Variants in SLC24A3 observed in about 807,000 individuals in gnomAD.
SLC24A3 encodes the protein sodium/potassium/calcium exchanger 3.
Under a neutral mutation model 75.8 loss-of-function variants are expected in SLC24A3, and 28 were observed. The ratio of observed to expected loss-of-function variants is 0.37; its 90% CI spans 0.27 to 0.51. SLC24A3 has a LOEUF of 0.51. SLC24A3 is among the 20% of genes least tolerant of loss of function. The pLI is 0.94. For synonymous variants in SLC24A3, 372 were observed against 334.1 expected (o/e 1.11, Z -1.24); for missense variants, 663 against 847.8 (o/e 0.78, Z 2.71).
intron 6 of SLC24A3, among the ~76,000 whole-genome samples, chr20:19,596,700 G>C (rs565210252): frequency 6.6e-6 from 1 of 152,150 alleles, no homozygotes; most frequent in African/African-American, 2.4e-5. Context: ...CTTCAGATAC[G>C]GTGACACCTA....
intron 2 of SLC24A3, among the ~76,000 whole-genome samples, chr20:19,316,242 A>G (rs528504095): frequency 1.3e-5 from 2 of 152,226 alleles, no homozygotes; most frequent in Non-Finnish European, 2.9e-5. Context: ...GACCACCTGT[A>G]CTAAGGAAGC....
At chr20:19,578,272 G>A (rs1185112619) in intron 3 of SLC24A3, among the ~76,000 whole-genome samples, 1 of 152,096 alleles carries the variant, frequency 6.6e-6, no homozygotes, top group Admixed American at 6.6e-5. Context: ...ACGTGTGTGT[G>A]TGTGTGTGCA....
chr20:19,658,305 A>C (rs183618870), intron 7 of SLC24A3, among the ~76,000 whole-genome samples: 6 of 152,226 alleles, frequency 3.9e-5, no homozygotes, highest in African/African-American at 1.2e-4. Context: ...TAAGACCTGG[A>C]TTCAAAATGG....
intron 2 of SLC24A3, among the ~76,000 whole-genome samples, chr20:19,380,265 G>A (rs1986158013): frequency 6.6e-6 from 1 of 152,140 alleles, no homozygotes; most frequent in Admixed American, 6.5e-5. Flanking sequence ...GTGCAAAGAA[G>A]CAGGGCACAT....
At chr20:19,665,027 C>T (rs774542188) in intron 7 of SLC24A3, among the ~76,000 whole-genome samples, 9 of 152,186 alleles carry the variant, frequency 5.9e-5, no homozygotes, top group Non-Finnish European at 1.2e-4. Flanking sequence ...CCCCCCATGC[C>T]CCCACAAGGT....
chr20:19,285,585 T>G (rs1208009823), intron 2 of SLC24A3, among the ~76,000 whole-genome samples: 1 of 145,102 alleles, frequency 6.9e-6, no homozygotes, highest in East Asian at 2.0e-4. Context: ...CAGAACTGCA[T>G]GAACAAGACT....
chr20:19,685,869 A>C (rs575271690), intron 12 of SLC24A3, among the ~76,000 whole-genome samples: 1 of 152,292 alleles, frequency 6.6e-6, no homozygotes, highest in Non-Finnish European at 1.5e-5. Context: ...GCAGTCCATC[A>C]GGCATCACGA....
chr20:19,634,911 A>G (rs553273533), intron 6 of SLC24A3, among the ~76,000 whole-genome samples: 2 of 152,364 alleles, frequency 1.3e-5, no homozygotes, highest in African/African-American at 2.4e-5. Flanking sequence ...CAATCAACAA[A>G]TAAAACACCA....
At chr20:19,496,969 G>A (rs1988298729) in intron 2 of SLC24A3, among the ~76,000 whole-genome samples, 1 of 152,156 alleles carries the variant, frequency 6.6e-6, no homozygotes, top group African/African-American at 2.4e-5. Flanking sequence ...TCTTTTGCAA[G>A]CCCCAGTATC....
intron 3 of SLC24A3, among the ~76,000 whole-genome samples, chr20:19,560,613 C>T (rs929773401): frequency 2.0e-5 from 3 of 152,200 alleles, no homozygotes; most frequent in Admixed American, 1.3e-4. Flanking sequence ...CAACACCTCC[C>T]ATTAGATCCA....
intron 2 of SLC24A3, among the ~76,000 whole-genome samples, chr20:19,373,416 C>G (rs1164533599): frequency 1.3e-5 from 2 of 152,150 alleles, no homozygotes; most frequent in East Asian, 3.9e-4. Flanking sequence ...ATTCGAGAAC[C>G]CTTTTCTCTA....
intron 2 of SLC24A3, among the ~76,000 whole-genome samples, chr20:19,454,347 T>C (rs1336581531): frequency 6.6e-6 from 1 of 152,216 alleles, no homozygotes; most frequent in African/African-American, 2.4e-5. Flanking sequence ...TATTTCCTGA[T>C]TTTTGATAGG....
At chr20:19,281,144 G>A in intron 2 of SLC24A3, 57 bp downstream of exon 2, 1 of 1,596,956 alleles carries the variant, frequency 6.3e-7, no homozygotes, top group Admixed American at 1.7e-5. Flanking sequence ...CTATGGCTGA[G>A]GAAGAGCCAG....
intron 2 of SLC24A3, among the ~76,000 whole-genome samples, chr20:19,337,689 G>A (rs1350524992): frequency 6.6e-6 from 1 of 152,086 alleles, no homozygotes; most frequent in Non-Finnish European, 1.5e-5. Flanking sequence ...CGTTTCTAAC[G>A]CTAAGCATTT....
At chr20:19,421,853 T>G (rs982675343) in intron 2 of SLC24A3, among the ~76,000 whole-genome samples, 1 of 152,128 alleles carries the variant, frequency 6.6e-6, no homozygotes, top group African/African-American at 2.4e-5. Flanking sequence ...TGCACGAACT[T>G]CCGGAGCCTC....
chr20:19,360,498 C>T (rs6106065), intron 2 of SLC24A3, among the ~76,000 whole-genome samples: 1,922 of 152,334 alleles, frequency 0.013, 22 homozygotes, highest in South Asian at 0.024. Context: ...CATGGGGATG[C>T]CACCTGTGAA....
At chr20:19,407,757 T>C (rs1461385272) in intron 2 of SLC24A3, among the ~76,000 whole-genome samples, 2 of 152,242 alleles carry the variant, frequency 1.3e-5, no homozygotes, top group Non-Finnish European at 2.9e-5. Flanking sequence ...ATCTTTTATA[T>C]TTTAGCAAGG....
chr20:19,519,052 T>A (rs2122562034), intron 3 of SLC24A3, among the ~76,000 whole-genome samples: 1 of 152,232 alleles, frequency 6.6e-6, no homozygotes, highest in Middle Eastern at 3.4e-3. Context: ...GAGAGGGCCA[T>A]GGGGCTGTCT....
chr20:19,215,974 A>G (rs1909301299), intron 1 of SLC24A3, among the ~76,000 whole-genome samples: 1 of 152,228 alleles, frequency 6.6e-6, no homozygotes, highest in South Asian at 2.1e-4. Context: ...AGCAATAATA[A>G]TAACTGGAAT....
Sources: allele counts gnomAD v4.1 joint callset (sites outside exome capture counted in the v4.1 genomes callset), GRCh38; gene constraint gnomAD v4.1.1; transcripts MANE v1.5; gene names NCBI Gene and HGNC (gene_info 2026-07-23, HGNC 2026-07-21).